The following TDRD1 variants were observed in gnomAD, a reference collection of about 807,000 sequenced individuals.
TDRD1 encodes tudor domain containing 1.
Under a neutral mutation model 140.6 loss-of-function variants are expected in TDRD1, and 37 were observed. The ratio of observed to expected loss-of-function variants is 0.26; its 90% CI spans 0.20 to 0.35. The LOEUF is 0.35. Ranked by LOEUF, TDRD1 falls within the 10% of genes least tolerant of loss-of-function variation. The probability of loss-of-function intolerance (pLI) is 1.00; values close to 1 mark genes in which losing one functional copy is unlikely to be tolerated. For synonymous variants in TDRD1, 506 were observed against 475.7 expected (o/e 1.06, Z -0.83); for missense variants, 1,243 against 1,393.0 (o/e 0.89, Z 1.71).
chr10:114,223,171 C>T (rs1240261108), intron 21 of TDRD1, among the ~76,000 whole-genome samples: 2 of 152,182 alleles, frequency 1.3e-5, no homozygotes, highest in African/African-American at 4.8e-5. Context: ...GGATTTGCTT[C>T]TGGGATCAAG....
At chr10:114,204,596 T>A in intron 9 of TDRD1, 126 bp from the exon 10 acceptor site, 1 of 937,374 alleles carries the variant, frequency 1.1e-6, no homozygotes, top group South Asian at 1.9e-5. Flanking sequence ...AAATTGTCTA[T>A]CTGATTAGTA....
intron 23 of TDRD1, among the ~76,000 whole-genome samples, chr10:114,227,590 CT>C (rs1309180390): frequency 2.6e-5 from 4 of 152,202 alleles, no homozygotes; most frequent in African/African-American, 9.7e-5. Context: ...TTCCAATTTA[CT>C]TTCTATCCTG....
At chr10:114,195,556 CCT>C (rs1478485419) in intron 3 of TDRD1, among the ~76,000 whole-genome samples, 1 of 152,000 alleles carries the variant, frequency 6.6e-6, no homozygotes, top group African/African-American at 2.4e-5. Context: ...TCATAATGTC[CCT>C]CTCTCTGGTA....
At chr10:114,206,383 T>TCTAC in intron 11 of TDRD1, 53 bp downstream of exon 11, 2 of 1,448,736 alleles carry the variant, frequency 1.4e-6, no homozygotes. Context: ...TTGAAGACCA[T>TCTAC]CTACCTACTA....
chr10:114,210,526 T>C, intron 11 of TDRD1, 55 bp from the exon 12 acceptor site: 1 of 1,489,946 alleles, frequency 6.7e-7, no homozygotes, highest in East Asian at 2.3e-5. Context: ...GCATAATTTT[T>C]TTTTTACTTT....
At chr10:114,194,398 T>G (rs1359807633) in intron 3 of TDRD1, among the ~76,000 whole-genome samples, 1 of 152,158 alleles carries the variant, frequency 6.6e-6, no homozygotes, top group Non-Finnish European at 1.5e-5. Context: ...TCTATTCAAA[T>G]TGTTTCATAT....
chr10:114,199,105 C>T (rs2034560208), intron 3 of TDRD1, 68 bp from the exon 4 acceptor site: 3 of 1,531,676 alleles, frequency 2.0e-6, no homozygotes, highest in Admixed American at 1.9e-5. Flanking sequence ...TGAAGTAGTC[C>T]CAAATCTAGT....
rs534370067 is a variant in TDRD1 at position 114,215,383 on chromosome 10, G to A, written c.2212+1269G>A. 3.3e-5 allele frequency among the ~76,000 whole-genome samples: 5 copies of A among 152,218 alleles called. No individual in the cohort carries two copies. In the South Asian group the frequency reaches 1.0e-3, roughly 32 times the overall value. ...ATTACAGCATATCTGGTGCACATGT[G>A]CAGGCATTTTCATGGAGTCCAAACC... On this transcript the variant is annotated intron_variant, in intron 16 of 25. Coordinates refer to ENST00000251864, the Ensembl canonical transcript of TDRD1.
upstream of TDRD1, among the ~76,000 whole-genome samples, chr10:114,178,376 C>T (rs981384919): frequency 6.6e-6 from 1 of 152,100 alleles, no homozygotes; most frequent in African/African-American, 2.4e-5. Flanking sequence ...AGGTTCTGCC[C>T]AGGGGTTACA....
At chr10:114,222,176 T>C (rs185927341) in intron 20 of TDRD1, among the ~76,000 whole-genome samples, 2 of 152,328 alleles carry the variant, frequency 1.3e-5, no homozygotes, top group Admixed American at 6.5e-5. Context: ...AAGCAGGAGC[T>C]TAGGGTTATT....
rs761963699 is a variant in TDRD1, at chr10:114,204,251, G to A, written c.1125+35G>A. 6.4e-6 allele frequency: 10 copies of A among 1,556,904 alleles called. No individual in the cohort carries two copies. The East Asian group carries it at 2.3e-4, about 35-fold the overall frequency. On this transcript the variant is annotated intron_variant, in intron 9 of 25. Transcript: ENST00000251864. Reference sequence around the variant, plus strand: ...TTTTACTTTCTAGATTTTTAATAGTGTCCCAAAGGAGCTGTTGTCAATGTT... The same window carrying A: ...TTTTACTTTCTAGATTTTTAATAGTATCCCAAAGGAGCTGTTGTCAATGTT...
intron 21 of TDRD1, among the ~76,000 whole-genome samples, chr10:114,224,160 C>T (rs1414074831): frequency 6.6e-6 from 1 of 152,184 alleles, no homozygotes; most frequent in African/African-American, 2.4e-5. Flanking sequence ...TTTGAAAAAG[C>T]CTTCAGCCTA....
intron 1 of TDRD1, among the ~76,000 whole-genome samples, chr10:114,182,668 A>G (rs1232387540): frequency 2.6e-5 from 4 of 151,556 alleles, no homozygotes; most frequent in African/African-American, 9.7e-5. Context: ...TGCATTTAAA[A>G]TAGTTTTTAT....
At chr10:114,221,597 C>A in intron 20 of TDRD1, 121 bp downstream of exon 20, 1 of 958,002 alleles carries the variant, frequency 1.0e-6, no homozygotes, top group Non-Finnish European at 1.6e-6. Context: ...TAAGGAAGAA[C>A]TGATCATAAC....
chr10:114,191,122 C>G, intron 3 of TDRD1, 103 bp downstream of exon 3: 1 of 1,264,870 alleles, frequency 7.9e-7, no homozygotes, highest in South Asian at 1.5e-5. Context: ...CATTCAAGAT[C>G]AAATGTTTTT....
chr10:114,227,398 C>T (rs1446680064), intron 23 of TDRD1, 99 bp downstream of exon 23: 14 of 841,796 alleles, frequency 1.7e-5, no homozygotes, highest in Non-Finnish European at 2.5e-5. Flanking sequence ...CCATGCCATA[C>T]TCTCTCCTCC....
chr10:114,228,741 G>C, intron 25 of TDRD1: 2 of 985,388 alleles, frequency 2.0e-6, no homozygotes, highest in Non-Finnish European at 1.2e-6. Context: ...GGGATCCTTT[G>C]TTGTAAGATG....
intron 11 of TDRD1, among the ~76,000 whole-genome samples, chr10:114,207,808 C>T (rs2035224288): frequency 6.6e-6 from 1 of 151,946 alleles, no homozygotes; most frequent in South Asian, 2.1e-4. Flanking sequence ...ATGAAGGTAT[C>T]CAGTGGAAGG....
At chr10:114,183,157 A>G (rs1319209873) in intron 1 of TDRD1, among the ~76,000 whole-genome samples, 1 of 152,168 alleles carries the variant, frequency 6.6e-6, no homozygotes, top group Non-Finnish European at 1.5e-5. Context: ...AATACAGGGT[A>G]TTGAGGCGCT....
Sources: gnomAD v4.1 joint callset for allele counts (sites outside exome capture counted in the v4.1 genomes callset) on GRCh38, gnomAD v4.1.1 for gene constraint, MANE v1.5 for transcripts, NCBI Gene and HGNC (gene_info 2026-07-23, HGNC 2026-07-21) for gene names.